ZNRF3: variants seen among roughly 807,000 people sequenced by gnomAD.
ZNRF3 encodes E3 ubiquitin-protein ligase ZNRF3.
A neutral mutation model predicts 72.5 loss-of-function variants in ZNRF3; 23 were observed. The observed-to-expected ratio is 0.32, with a 90% CI of 0.23 to 0.45. The LOEUF (loss-of-function observed/expected upper bound fraction) is 0.45. Among genes scored for constraint, ZNRF3 ranks in the 20% least tolerant of loss-of-function variants. The pLI is 1.00. For synonymous variants in ZNRF3, 610 were observed against 545.3 expected (o/e 1.12, Z -1.65); for missense variants, 1,169 against 1,272.1 (o/e 0.92, Z 1.23).
chr22:28,919,851 G>GT (rs888647175), intron 1 of ZNRF3, among the ~76,000 whole-genome samples: 9 of 152,096 alleles, frequency 5.9e-5, no homozygotes, highest in African/African-American at 1.9e-4. Flanking sequence ...CGATGAGGGG[G>GT]TGAAATTTAA....
At chr22:28,994,083 G>T (rs2036002736) in intron 2 of ZNRF3, among the ~76,000 whole-genome samples, 1 of 151,468 alleles carries the variant, frequency 6.6e-6, no homozygotes, top group Non-Finnish European at 1.5e-5. Flanking sequence ...TCACATTCCT[G>T]GCACAACCAA....
At chr22:28,954,959 A>T (rs946581231) in intron 1 of ZNRF3, among the ~76,000 whole-genome samples, 2 of 150,824 alleles carry the variant, frequency 1.3e-5, no homozygotes, top group African/African-American at 4.9e-5. Flanking sequence ...TCCTGGTTTA[A>T]TTTTTTTCTT....
intron 2 of ZNRF3, among the ~76,000 whole-genome samples, chr22:29,003,879 C>T (rs779796729): frequency 1.8e-4 from 28 of 152,154 alleles, no homozygotes; most frequent in Non-Finnish European, 3.7e-4. Context: ...TCTTACCAGC[C>T]CCCTGCATAC....
At chr22:28,984,680 C>T (rs1025036733) in intron 1 of ZNRF3, among the ~76,000 whole-genome samples, 1 of 152,202 alleles carries the variant, frequency 6.6e-6, no homozygotes, top group Admixed American at 6.5e-5. Context: ...GTCTTGAGCC[C>T]TTTCCTGGAG....
intron 2 of ZNRF3, among the ~76,000 whole-genome samples, chr22:29,011,276 G>A (rs2036342139): frequency 6.6e-6 from 1 of 152,200 alleles, no homozygotes; most frequent in Admixed American, 6.5e-5. Context: ...TATACAAAAG[G>A]TGCCCTAGGC....
intron 1 of ZNRF3, among the ~76,000 whole-genome samples, chr22:28,939,822 G>C (rs2034909721): frequency 6.6e-6 from 1 of 151,924 alleles, no homozygotes; most frequent in African/African-American, 2.4e-5. Context: ...TTTTTGAAGA[G>C]TTTTTTTCAC....
rs750297109 is a variant in ZNRF3 at position 29,001,472 on chromosome 22, C to CTT, written c.426+14287_426+14288dup. Among the ~76,000 whole-genome samples the CTT allele has an allele frequency of 8.1e-3, 1,018 of 124,992 alleles. 21 individuals are homozygous for CTT. The highest frequency in any genetic ancestry group is 0.029 in the African/African-American group (962 of 33,372). The allele number at this position is 124,992 out of a possible 152,430, so 82.0% of individuals were successfully genotyped here. On this transcript the variant is annotated intron_variant, in intron 2 of 8. Transcript: ENST00000544604. ...CCTTTGCAACCCAAGATTTTTTAAA[C>CTT]TTTTTTTTTTTTTTTTTGAGATGGA...
At chr22:29,046,074 G>A (rs1569294791) in intron 5 of ZNRF3, among the ~76,000 whole-genome samples, 1 of 152,206 alleles carries the variant, frequency 6.6e-6, no homozygotes, top group Non-Finnish European at 1.5e-5. Flanking sequence ...TTGATTAACA[G>A]TAGCTGCTGT....
At chr22:29,041,862 G>A (rs982612395) in intron 2 of ZNRF3, among the ~76,000 whole-genome samples, 1 of 152,166 alleles carries the variant, frequency 6.6e-6, no homozygotes, top group Admixed American at 6.5e-5. Flanking sequence ...CTAACTGGGT[G>A]ACATGGGAAG....
chr22:28,937,149 C>A (rs900939594), intron 1 of ZNRF3, among the ~76,000 whole-genome samples: 2 of 143,580 alleles, frequency 1.4e-5, no homozygotes. Flanking sequence ...GACAGTAATC[C>A]GCTGCCAACC....
At chr22:29,034,949 A>G (rs2036839308) in intron 2 of ZNRF3, among the ~76,000 whole-genome samples, 1 of 151,612 alleles carries the variant, frequency 6.6e-6, no homozygotes, top group Non-Finnish European at 1.5e-5. Context: ...TGGTTAATGC[A>G]AATAGAATTT....
intron 2 of ZNRF3, chr22:29,025,877 C>T (rs2036626704): frequency 6.6e-6 from 1 of 152,128 alleles, no homozygotes; most frequent in Non-Finnish European, 1.5e-5. Context: ...CTTTCCAGCC[C>T]GAAAGGGGCA....
intron 1 of ZNRF3, among the ~76,000 whole-genome samples, chr22:28,896,316 G>A (rs2033997955): frequency 6.6e-6 from 1 of 152,070 alleles, no homozygotes; most frequent in South Asian, 2.1e-4. Context: ...TGTATTTTTA[G>A]TAGAGACAGG....
intron 2 of ZNRF3, among the ~76,000 whole-genome samples, chr22:29,039,273 G>A (rs1379998098): frequency 6.6e-6 from 1 of 152,170 alleles, no homozygotes. Context: ...CTTCCCTGAG[G>A]CATGTCTCTC....
chr22:29,016,317 G>A (rs920861008), intron 2 of ZNRF3, among the ~76,000 whole-genome samples: 1 of 152,208 alleles, frequency 6.6e-6, no homozygotes, highest in Non-Finnish European at 1.5e-5. Context: ...AGATTGTAAT[G>A]GTTTAGAACT....
At chr22:28,998,809 T>C (rs1322362257) in intron 2 of ZNRF3, among the ~76,000 whole-genome samples, 1 of 152,092 alleles carries the variant, frequency 6.6e-6, no homozygotes, top group Non-Finnish European at 1.5e-5. Flanking sequence ...GTTTTGAAGA[T>C]AGAGTGAGTT....
At chr22:28,944,184 T>C (rs1436141056) in intron 1 of ZNRF3, among the ~76,000 whole-genome samples, 4 of 152,210 alleles carry the variant, frequency 2.6e-5, no homozygotes, top group Non-Finnish European at 5.9e-5. Flanking sequence ...GTCTTAAAAA[T>C]ACTCATACCC....
At chr22:29,028,297 C>T (rs564874658) in intron 2 of ZNRF3, among the ~76,000 whole-genome samples, 46 of 152,240 alleles carry the variant, frequency 3.0e-4, no homozygotes, top group Non-Finnish European at 4.7e-4. Context: ...ACCCTGCCAC[C>T]TCTCAGGGAG....
intron 2 of ZNRF3, among the ~76,000 whole-genome samples, chr22:28,988,876 G>A (rs1303137324): frequency 1.3e-5 from 2 of 152,172 alleles, no homozygotes; most frequent in Non-Finnish European, 2.9e-5. Context: ...TTGGAACAGG[G>A]ATTACAGGGT....
Sources: allele counts gnomAD v4.1 joint callset (sites outside exome capture counted in the v4.1 genomes callset), GRCh38; gene constraint gnomAD v4.1.1; transcripts MANE v1.5; gene names NCBI Gene and HGNC (gene_info 2026-07-23, HGNC 2026-07-21).